The following KIAA2012 variants were observed in gnomAD, a reference collection of about 807,000 sequenced individuals.
KIAA2012 encodes uncharacterized protein KIAA2012.
Under a neutral mutation model 150.6 loss-of-function variants are expected in KIAA2012, and 125 were observed. The ratio of observed to expected loss-of-function variants is 0.83; its 90% CI spans 0.72 to 0.96. The LOEUF is 0.96. KIAA2012 is among the 40% of genes least tolerant of loss of function. The pLI is 0.00. For synonymous variants in KIAA2012, 462 were observed against 504.7 expected, an observed-to-expected ratio of 0.92 and a Z score of 1.13; for missense variants, 1,219 against 1,354.9, an observed-to-expected ratio of 0.90 and a Z score of 1.57.
At chr2:202,078,444 A>G (rs1465132207) in intron 2 of KIAA2012, among the ~76,000 whole-genome samples, 2 of 152,064 alleles carry the variant, frequency 1.3e-5, no homozygotes, top group Admixed American at 1.3e-4. Flanking sequence ...TCATGCCACC[A>G]TGCCGGGCCA....
intron 11 of KIAA2012, among the ~76,000 whole-genome samples, chr2:202,120,039 G>A (rs1184539997): frequency 6.6e-6 from 1 of 152,196 alleles, no homozygotes; most frequent in Non-Finnish European, 1.5e-5. Context: ...CATGTAAGAT[G>A]TGACTTACTC....
chr2:202,105,892 G>C lies in KIAA2012; in HGVS notation c.1456G>C (p.Asp486His). 6.4e-7 allele frequency: 1 copy of C among 1,550,932 alleles called. No homozygotes were observed. The highest frequency in any genetic ancestry group is 8.7e-7 in the Non-Finnish European group (1 of 1,147,084). ...TVHLPVDASR[D>H]TLSPQDDDAP... The stretch of plus-strand genomic sequence containing the variant: ...GCATCTCCCAGTGGACGCGAGCAGG[G>C]ACACACTCTCACCTCAAGGTAGCTC... The change falls in exon 9 of 24, where the codon GAC (aspartate) becomes CAC (histidine). Residue 486 changes from aspartate (D) to histidine (H), a missense_variant. Transcript: ENST00000498697.
intron 12 of KIAA2012, among the ~76,000 whole-genome samples, chr2:202,126,463 C>A (rs2105937277): frequency 6.6e-6 from 1 of 152,324 alleles, no homozygotes; most frequent in East Asian, 1.9e-4. Context: ...ATCTGGGAGT[C>A]TGGCCCTCTG....
chr2:202,184,704 T>C, intron 15 of KIAA2012, 49 bp from the exon 16 acceptor site: 1 of 1,327,164 alleles, frequency 7.5e-7, no homozygotes, highest in Non-Finnish European at 1.0e-6. Flanking sequence ...GATCTCCTCC[T>C]AGGATAACTG....
At chr2:202,129,369 G>A (rs536585526) in intron 12 of KIAA2012, among the ~76,000 whole-genome samples, 19 of 151,786 alleles carry the variant, frequency 1.3e-4, no homozygotes, top group Admixed American at 3.9e-4. Flanking sequence ...ACGGGCACCC[G>A]CCACCGCACC....
rs149354293 is a variant in KIAA2012 at position 202,147,856 on chromosome 2, G to A, written c.1909-6817G>A. Among the ~76,000 whole-genome samples the A allele has an allele frequency of 1.3e-3, 197 of 152,094 alleles. 1 individual carries two copies. The South Asian group carries it at 0.019, about 14-fold the overall frequency. ...TCAGATTTCCCACCTTTCACCCCTC[G>A]ACGTCCCATCTCCCAGTCTAAAATA... is the stretch of plus-strand genomic sequence containing the variant. On this transcript the variant is annotated intron_variant, in intron 13 of 23. Coordinates refer to ENST00000498697, the MANE Select transcript of KIAA2012 (RefSeq NM_001277372.4).
chr2:202,132,080 G>C (rs1350663981), intron 12 of KIAA2012, among the ~76,000 whole-genome samples: 1 of 152,072 alleles, frequency 6.6e-6, no homozygotes, highest in Non-Finnish European at 1.5e-5. Flanking sequence ...GGAGGCTGAG[G>C]CAGGAGAATC....
At chr2:202,171,112 TACACACACACACACAC>T (rs10532176) in intron 15 of KIAA2012, among the ~76,000 whole-genome samples, 1 of 149,722 alleles carries the variant, frequency 6.7e-6, no homozygotes, top group African/African-American at 2.5e-5. Flanking sequence ...AAAGAAATAC[TACACACACACACACAC>T]ACACACACAC....
intron 15 of KIAA2012, among the ~76,000 whole-genome samples, chr2:202,183,713 C>T (rs1692170254): frequency 6.6e-6 from 1 of 152,094 alleles, no homozygotes; most frequent in African/African-American, 2.4e-5. Context: ...ACCATGTTAG[C>T]CAGGCTGGTC....
Position 202,081,310 on chromosome 2 carries a change from T to G in KIAA2012, c.369+6135T>G, listed in dbSNP as rs527706392. ...TGTTGTGAACAATGCCCTATAAACATGGATGTACAAATATCTGTTCATGTC... is the reference window on the plus strand; with the variant it reads ...TGTTGTGAACAATGCCCTATAAACAGGGATGTACAAATATCTGTTCATGTC... On this transcript the variant is annotated intron_variant, in intron 2 of 23. Transcript: ENST00000498697. Among the ~76,000 whole-genome samples the G allele has an allele frequency of 1.8e-4, 27 of 152,350 alleles. No individual in the cohort carries two copies. In the East Asian group the frequency reaches 4.4e-3, roughly 25 times the overall value.
intron 13 of KIAA2012, among the ~76,000 whole-genome samples, chr2:202,140,412 G>C (rs1691175504): frequency 1.3e-5 from 2 of 152,092 alleles, no homozygotes; most frequent in South Asian, 4.2e-4. Context: ...TGAAATGATG[G>C]GGTGGCTCCC....
In KIAA2012 at chr2:202,100,385, T is replaced by C. The variant is rs886815209; in HGVS notation, c.1091T>C (p.Phe364Ser). The C allele has an allele frequency of 2.6e-6, 4 of 1,550,412 alleles. No individual in the cohort carries two copies. In the African/African-American group the frequency reaches 4.1e-5, roughly 16 times the overall value. Residue 364 changes from phenylalanine to serine, a missense_variant, in exon 7 of 24, where the codon TTC becomes TCC. By Grantham distance (155) the Phe-to-Ser change is radical. Coordinates refer to ENST00000498697, the MANE Select transcript of KIAA2012 (RefSeq NM_001277372.4). Reference sequence around the variant, plus strand: ...GTGCTTCCTGCTGAAAGAAGCCTCTTCCCTCCTGTAGCATCTGCCACTGGC... The same window carrying C: ...GTGCTTCCTGCTGAAAGAAGCCTCTCCCCTCCTGTAGCATCTGCCACTGGC... ...LQVLPAERSLFPPVASATGSR... is the reference protein window; with the variant it reads ...LQVLPAERSLSPPVASATGSR...
chr2:202,099,220 G>A (rs1272319000), intron 5 of KIAA2012, among the ~76,000 whole-genome samples: 1 of 152,012 alleles, frequency 6.6e-6, no homozygotes, highest in African/African-American at 2.4e-5. Context: ...AAACTCCTGA[G>A]CTCAAGCAAT....
Position 202,184,842 on chromosome 2 carries a change from G to A in KIAA2012, c.2209G>A (p.Val737Met). The A allele has an allele frequency of 6.5e-7, 1 of 1,545,626 alleles. No individual in the cohort carries two copies. The highest frequency in any genetic ancestry group is 8.7e-7 in the Non-Finnish European group (1 of 1,145,062). ...CCCAGAAGCAGATATTGTGCAAAAA[G>A]TGTAAGTGTTCAAAGTTGTAATAAC... Reference protein sequence around the residue: ...QTPEADIVQKVGRDYDVHHLH... With the variant: ...QTPEADIVQKMGRDYDVHHLH... The change falls in exon 16 of 24, where the codon GTG (valine) becomes ATG (methionine). Residue 737 changes from valine to methionine, a missense_variant and splice_region_variant. Physicochemically the swap from Val to Met is conservative, Grantham distance 21. Transcript: ENST00000498697.
At chr2:202,129,046 A>T (rs1690864101) in intron 12 of KIAA2012, among the ~76,000 whole-genome samples, 1 of 152,018 alleles carries the variant, frequency 6.6e-6, no homozygotes, top group East Asian at 1.9e-4. Context: ...TCGCGGTGGC[A>T]GAGGTTGCGG....
In KIAA2012 at chr2:202,196,850, C is replaced by A; in HGVS notation, c.3238C>A (p.Gln1080Lys). The change falls in exon 22 of 24, where the codon CAA (glutamine) becomes AAA (lysine). Residue 1080 changes from glutamine to lysine, a missense_variant. By Grantham distance (53) the Gln-to-Lys change is moderately conservative. Coordinates refer to ENST00000498697, the MANE Select transcript of KIAA2012 (RefSeq NM_001277372.4). ...ATTGGAAATGCAGTTAGAAGAAGAA[C>A]AAAAACACCTGATGGAAATGGCTGA... ...EELEMQLEEE[Q>K]KHLMEMAEEE... 3.2e-6 allele frequency: 5 copies of A among 1,550,462 alleles called. No individual in the cohort carries two copies. The highest frequency in any genetic ancestry group is 4.4e-6 in the Non-Finnish European group (5 of 1,146,942).
At chr2:202,098,241 T>A (rs1689944553) in intron 5 of KIAA2012, among the ~76,000 whole-genome samples, 1 of 152,166 alleles carries the variant, frequency 6.6e-6, no homozygotes, top group Non-Finnish European at 1.5e-5. Flanking sequence ...GCACCTGTAA[T>A]CCCAGCTACT....
chr2:202,128,822 T>C (rs1262393096), intron 12 of KIAA2012, among the ~76,000 whole-genome samples: 1 of 152,008 alleles, frequency 6.6e-6, no homozygotes, highest in Non-Finnish European at 1.5e-5. Context: ...TTTCACAACT[T>C]AGAACCTTAT....
At chr2:202,155,844 C>T (rs762080884) in intron 14 of KIAA2012, among the ~76,000 whole-genome samples, 1 of 152,170 alleles carries the variant, frequency 6.6e-6, no homozygotes, top group Non-Finnish European at 1.5e-5. Flanking sequence ...CATGACTGGG[C>T]TCTGCTTTTC....
Sources: gnomAD v4.1 joint callset for allele counts (sites outside exome capture counted in the v4.1 genomes callset) on GRCh38, gnomAD v4.1.1 for gene constraint, MANE v1.5 for transcripts, NCBI Gene and HGNC (gene_info 2026-07-23, HGNC 2026-07-21) for gene names.